IPMK: variants seen among roughly 807,000 people sequenced by gnomAD.
The protein encoded by IPMK is inositol 1,3,4,6-tetrakisphosphate 5-kinase.
A neutral mutation model predicts 45.8 loss-of-function variants in IPMK; 17 were observed. The ratio of observed to expected loss-of-function variants is 0.37; its 90% CI spans 0.25 to 0.56. The LOEUF (loss-of-function observed/expected upper bound fraction) is 0.56, where lower values mean the gene tolerates loss of function less well. Ranked by LOEUF, IPMK falls within the 20% of genes least tolerant of loss-of-function variation. The pLI, the probability that IPMK is intolerant of heterozygous loss-of-function variation, is 0.79. For synonymous variants in IPMK, 180 were observed against 184.3 expected (o/e 0.98, Z 0.19); for missense variants, 399 against 498.0 (o/e 0.80, Z 1.89).
At chr10:58,227,707 C>CTT (rs1838440533) in intron 2 of IPMK, among the ~76,000 whole-genome samples, 2 of 152,104 alleles carry the variant, frequency 1.3e-5, no homozygotes, top group Admixed American at 1.3e-4. Flanking sequence ...CAATGTAAGT[C>CTT]TAACTGCTGC....
chr10:58,241,613 G>A (rs1317370281), intron 1 of IPMK, among the ~76,000 whole-genome samples: 1 of 152,116 alleles, frequency 6.6e-6, no homozygotes, highest in Non-Finnish European at 1.5e-5. Flanking sequence ...ATTTCTGAAG[G>A]CTAGAAGTCC....
intron 1 of IPMK, 29 bp downstream of exon 1, chr10:58,267,393 G>A: frequency 6.2e-7 from 1 of 1,608,776 alleles, no homozygotes; most frequent in Non-Finnish European, 8.5e-7. Context: ...CGGAAGGGGA[G>A]CGGCGAGACC....
intron 1 of IPMK, among the ~76,000 whole-genome samples, chr10:58,260,963 C>A (rs1839055825): frequency 6.6e-6 from 1 of 151,752 alleles, no homozygotes; most frequent in African/African-American, 2.4e-5. Context: ...AAAGCCAAGA[C>A]AATCTTGAAA....
At chr10:58,204,168 C>G (rs1057442350) in intron 4 of IPMK, among the ~76,000 whole-genome samples, 7 of 151,948 alleles carry the variant, frequency 4.6e-5, no homozygotes, top group African/African-American at 1.7e-4. Flanking sequence ...TTAAGATGAG[C>G]CTGGGCAATA....
chr10:58,211,472 C>T (rs1838157852), intron 4 of IPMK, among the ~76,000 whole-genome samples: 6 of 152,076 alleles, frequency 3.9e-5, no homozygotes, highest in Admixed American at 3.9e-4. Flanking sequence ...GGATTACAGG[C>T]ATGAGCCACC....
In IPMK at chr10:58,267,722, G is replaced by A; in HGVS notation, c.-111C>T. 2 of 671,524 alleles carry A rather than the reference G, an allele frequency of 3.0e-6. No homozygotes were observed. Among genetic ancestry groups the A allele is most frequent in the Non-Finnish European group, 5.2e-6 (2 of 384,310 alleles). 41.6% of individuals were successfully genotyped at this position (671,524 alleles called of 1,614,324 possible). Reference sequence around the variant, plus strand: ...CAGGCTCGGGCGCGAGGAGGCCCGGGGGTTCCCGCGGCTGGTGCCCTCTGA... The same window carrying A: ...CAGGCTCGGGCGCGAGGAGGCCCGGAGGTTCCCGCGGCTGGTGCCCTCTGA... On this transcript the variant is annotated 5_prime_UTR_variant, in exon 1 of 6. Coordinates refer to ENST00000373935, the MANE Select transcript of IPMK (RefSeq NM_152230.5).
At chr10:58,221,813 A>T (rs1317563116) in intron 3 of IPMK, among the ~76,000 whole-genome samples, 3 of 151,520 alleles carry the variant, frequency 2.0e-5, no homozygotes, top group Non-Finnish European at 2.9e-5. Flanking sequence ...CAGTGGTGTG[A>T]TCTTGGCTCA....
In IPMK at chr10:58,255,199, C is replaced by A. The variant is rs1481538768; in HGVS notation, c.190+12223G>T. ...TACTGAGTAGCCACAAAGATCCACACACCTGTCACTGCAATCACTGACCCA... is the reference window on the plus strand; with the variant it reads ...TACTGAGTAGCCACAAAGATCCACAAACCTGTCACTGCAATCACTGACCCA... On this transcript the variant is annotated intron_variant, in intron 1 of 5. Transcript: ENST00000373935. 2.0e-5 allele frequency among the ~76,000 whole-genome samples: 3 copies of A among 152,234 alleles called. No homozygotes were observed. In the East Asian group the frequency reaches 5.8e-4, roughly 29 times the overall value.
intron 1 of IPMK, among the ~76,000 whole-genome samples, chr10:58,259,571 G>A (rs1206082208): frequency 1.3e-5 from 2 of 151,316 alleles, no homozygotes; most frequent in Admixed American, 6.6e-5. Context: ...AATGGCTCAC[G>A]CCTATAATGC....
intron 4 of IPMK, among the ~76,000 whole-genome samples, chr10:58,209,468 C>T (rs752952564): frequency 5.3e-5 from 8 of 152,208 alleles, no homozygotes; most frequent in Admixed American, 1.3e-4. Flanking sequence ...TCTCCCTATT[C>T]CCCTGGCGAT....
intron 1 of IPMK, among the ~76,000 whole-genome samples, chr10:58,249,222 A>ATGT (rs913632228): frequency 3.0e-4 from 46 of 152,212 alleles, no homozygotes; most frequent in African/African-American, 1.0e-3. Context: ...AAAGATGTAT[A>ATGT]TGTTGTTGTT....
intron 1 of IPMK, among the ~76,000 whole-genome samples, chr10:58,263,521 T>TTA (rs2132269224): frequency 6.9e-6 from 1 of 145,136 alleles, no homozygotes; most frequent in South Asian, 2.2e-4. Flanking sequence ...AAGACTCCGT[T>TTA]AAAAAAAAAA....
chr10:58,201,140 T>C (rs1002948739), intron 4 of IPMK, among the ~76,000 whole-genome samples: 1 of 152,182 alleles, frequency 6.6e-6, no homozygotes, highest in African/African-American at 2.4e-5. Flanking sequence ...TTAAAATATC[T>C]CTGGAAGGGT....
intron 1 of IPMK, among the ~76,000 whole-genome samples, chr10:58,253,663 G>A (rs1183482545): frequency 6.7e-6 from 1 of 149,670 alleles, no homozygotes; most frequent in Non-Finnish European, 1.5e-5. Flanking sequence ...CTTGAACCCA[G>A]GATGTGGAGG....
At chr10:58,267,282 G>C in intron 1 of IPMK, 140 bp downstream of exon 1, 1 of 770,532 alleles carries the variant, frequency 1.3e-6, no homozygotes. Flanking sequence ...AGGCTTCGGG[G>C]GACAGCGGAA....
chr10:58,226,182 C>T (rs373664196), intron 3 of IPMK, among the ~76,000 whole-genome samples: 87 of 152,170 alleles, frequency 5.7e-4, no homozygotes, highest in African/African-American at 1.9e-3. Flanking sequence ...AAACCTGGCA[C>T]GCAAAGTCAT....
In IPMK at chr10:58,192,660, G is replaced by A. The variant is rs1380615207; in HGVS notation, c.*3416C>T. 6.6e-6 allele frequency: 1 copy of A among 151,866 alleles called. No individual in the cohort carries two copies. Among genetic ancestry groups the A allele is most frequent in the Non-Finnish European group, 1.5e-5 (1 of 67,890 alleles). The allele number at this position is 151,866 out of a possible 1,614,324, so 9.4% of individuals were successfully genotyped here. ...CGTTTGGTTCACAGTTGTAATACTG[G>A]GGGCTAAAAATGCTTAATACATGGC... On this transcript the variant is annotated 3_prime_UTR_variant, in exon 6 of 6. Transcript: ENST00000373935.
intron 1 of IPMK, among the ~76,000 whole-genome samples, chr10:58,259,670 A>AT (rs1293876011): frequency 5.7e-5 from 8 of 139,596 alleles, no homozygotes; most frequent in African/African-American, 2.0e-4. Flanking sequence ...CCATCTCTAC[A>AT]TAAAAAAAAA....
At chr10:58,212,772 G>A (rs1158386968) in intron 4 of IPMK, 2 of 223,656 alleles carry the variant, frequency 8.9e-6, no homozygotes, top group Non-Finnish European at 2.0e-5. Context: ...TGTAGTTCTT[G>A]TAGGTGTTTT....
Sources: gnomAD v4.1 joint callset for allele counts (sites outside exome capture counted in the v4.1 genomes callset) on GRCh38, gnomAD v4.1.1 for gene constraint, MANE v1.5 for transcripts, NCBI Gene and HGNC (gene_info 2026-07-23, HGNC 2026-07-21) for gene names.